EFCAB11: variants seen among roughly 807,000 people sequenced by gnomAD.
EFCAB11 encodes the protein EF-hand calcium-binding domain-containing protein 11.
A neutral mutation model predicts 23.0 loss-of-function variants in EFCAB11; 14 were observed. The ratio of observed to expected loss-of-function variants is 0.61; its 90% CI spans 0.40 to 0.95. EFCAB11 has a LOEUF of 0.95. EFCAB11 is among the 40% of genes least tolerant of loss of function. EFCAB11 has a pLI of 0.00. For missense variants in EFCAB11, 198 were observed against 195.8 expected (o/e 1.01, Z -0.07); for synonymous variants, 65 against 66.6 (o/e 0.98, Z 0.11).
chr14:89,849,616 T>TTG (rs1289913871), intron 5 of EFCAB11, among the ~76,000 whole-genome samples: 2 of 151,004 alleles, frequency 1.3e-5, no homozygotes, highest in Admixed American at 6.6e-5. Context: ...GTTTTTTTTT[T>TTG]TTTTTTGGTA....
intron 5 of EFCAB11, among the ~76,000 whole-genome samples, chr14:89,906,177 A>C (rs1037982487): frequency 2.4e-5 from 2 of 84,626 alleles, no homozygotes; most frequent in Middle Eastern, 0.011. Flanking sequence ...GCACTAAAAT[A>C]AATAAATAAA....
chr14:89,911,339 G>A (rs924875129), intron 5 of EFCAB11, among the ~76,000 whole-genome samples: 17 of 152,290 alleles, frequency 1.1e-4, no homozygotes, highest in African/African-American at 4.1e-4. Flanking sequence ...TTCCAGAAAG[G>A]CTGAAGGAAT....
At chr14:89,839,690 A>G (rs1269573614) in intron 5 of EFCAB11, among the ~76,000 whole-genome samples, 1 of 152,072 alleles carries the variant, frequency 6.6e-6, no homozygotes, top group Admixed American at 6.6e-5. Context: ...CACAGCCTAT[A>G]CAAGAAGCAT....
At chr14:89,954,095 C>T in intron 1 of EFCAB11, 94 bp from the exon 2 acceptor site, 1 of 1,101,128 alleles carries the variant, frequency 9.1e-7, no homozygotes, top group Non-Finnish European at 1.3e-6. Context: ...AAATCTAAAA[C>T]TTGGCCCAGC....
At chr14:89,864,221 G>A (rs533915272) in intron 5 of EFCAB11, among the ~76,000 whole-genome samples, 1 of 152,194 alleles carries the variant, frequency 6.6e-6, no homozygotes, top group South Asian at 2.1e-4. Context: ...TATGTCAGAG[G>A]CAAAAATAAT....
At chr14:89,932,825 T>C (rs72697362) in intron 3 of EFCAB11, among the ~76,000 whole-genome samples, 198 bp from the exon 4 acceptor site, 28,649 of 152,054 alleles carry the variant, frequency 0.19, 3,134 homozygotes, top group South Asian at 0.32. Context: ...ATTTAACAGA[T>C]CCAACACTAG....
At chr14:89,918,399 C>T (rs894561306) in intron 5 of EFCAB11, among the ~76,000 whole-genome samples, 9 of 151,828 alleles carry the variant, frequency 5.9e-5, no homozygotes, top group Non-Finnish European at 1.2e-4. Flanking sequence ...ATTAGCCGGG[C>T]ATGGTAGCAC....
At chr14:89,867,995 C>T (rs1463846605) in intron 5 of EFCAB11, among the ~76,000 whole-genome samples, 1 of 152,202 alleles carries the variant, frequency 6.6e-6, no homozygotes, top group African/African-American at 2.4e-5. Context: ...TTAACGATGC[C>T]TCATGGGCGA....
chr14:89,907,762 T>C (rs1889543146), intron 5 of EFCAB11, among the ~76,000 whole-genome samples: 1 of 152,168 alleles, frequency 6.6e-6, no homozygotes, highest in South Asian at 2.1e-4. Flanking sequence ...CTTTACACGG[T>C]GGCTGTATCT....
At chr14:89,926,053 T>C (rs1446924355) in intron 5 of EFCAB11, among the ~76,000 whole-genome samples, 1 of 152,058 alleles carries the variant, frequency 6.6e-6, no homozygotes, top group Non-Finnish European at 1.5e-5. Flanking sequence ...TGGTCTCAAG[T>C]GACCCACTCG....
chr14:89,862,648 A>G (rs1031809575), intron 5 of EFCAB11, among the ~76,000 whole-genome samples: 1 of 152,272 alleles, frequency 6.6e-6, no homozygotes, highest in African/African-American at 2.4e-5. Context: ...TGGAACTACA[A>G]CACATAAGTT....
chr14:89,935,224 A>G (rs1221146524), intron 3 of EFCAB11, among the ~76,000 whole-genome samples: 1 of 152,182 alleles, frequency 6.6e-6, no homozygotes, highest in Non-Finnish European at 1.5e-5. Flanking sequence ...TGCCTGAGAC[A>G]TGCTGAGGGA....
chr14:89,817,221 C>G (rs1886363475), intron 5 of EFCAB11, among the ~76,000 whole-genome samples: 1 of 151,882 alleles, frequency 6.6e-6, no homozygotes, highest in Admixed American at 6.6e-5. Context: ...CAAAAAGCAA[C>G]CCACATTAAA....
At chr14:89,891,196 C>T (rs1049128234) in intron 5 of EFCAB11, among the ~76,000 whole-genome samples, 5 of 152,118 alleles carry the variant, frequency 3.3e-5, no homozygotes, top group East Asian at 3.9e-4. Flanking sequence ...TTTTCAAGGT[C>T]GGTGAGCTCC....
chr14:89,900,996 T>C (rs926302757), intron 5 of EFCAB11, among the ~76,000 whole-genome samples: 7 of 152,196 alleles, frequency 4.6e-5, no homozygotes, highest in African/African-American at 1.7e-4. Flanking sequence ...GGAAAGGAAA[T>C]AGTCTACATT....
chr14:89,853,926 A>T (rs1040823449), intron 5 of EFCAB11, among the ~76,000 whole-genome samples: 2 of 152,224 alleles, frequency 1.3e-5, no homozygotes, highest in African/African-American at 2.4e-5. Context: ...TAGCACAAAA[A>T]AGAGAATAAG....
intron 5 of EFCAB11, among the ~76,000 whole-genome samples, chr14:89,824,668 G>A (rs955751108): frequency 2.0e-5 from 3 of 152,042 alleles, no homozygotes; most frequent in Admixed American, 1.3e-4. Context: ...ACACAGATAC[G>A]TTAATAGTAA....
At chr14:89,938,971 CA>C (rs11289812) in intron 3 of EFCAB11, among the ~76,000 whole-genome samples, 16,470 of 80,260 alleles carry the variant, frequency 0.21, 1,703 homozygotes, top group African/African-American at 0.36. Flanking sequence ...AACAACAAAG[CA>C]AAAAAAAAAA....
intron 5 of EFCAB11, among the ~76,000 whole-genome samples, chr14:89,838,468 G>A (rs1289846874): frequency 4.0e-5 from 6 of 150,588 alleles, no homozygotes; most frequent in Non-Finnish European, 7.4e-5. Flanking sequence ...AAAAAACCCT[G>A]AAAGGAAAGT....
Sources: allele counts gnomAD v4.1 joint callset (sites outside exome capture counted in the v4.1 genomes callset), GRCh38; gene constraint gnomAD v4.1.1; transcripts MANE v1.5; gene names NCBI Gene and HGNC (gene_info 2026-07-23, HGNC 2026-07-21).